SLC8A1: variants seen among roughly 807,000 people sequenced by gnomAD.
SLC8A1 encodes solute carrier family 8 member A1, also known as sodium/calcium exchanger 1.
SLC8A1 carries 18 observed loss-of-function variants against 68.3 expected under a neutral mutation model. The ratio of observed to expected loss-of-function variants is 0.26; its 90% CI spans 0.18 to 0.39. The LOEUF (loss-of-function observed/expected upper bound fraction) is 0.39, where lower values mean the gene tolerates loss of function less well. Among genes scored for constraint, SLC8A1 ranks in the 10% least tolerant of loss-of-function variants. The probability of loss-of-function intolerance (pLI) is 1.00; values close to 1 mark genes in which losing one functional copy is unlikely to be tolerated. For synonymous variants in SLC8A1, 475 were observed against 415.5 expected (o/e 1.14, Z -1.74); for missense variants, 985 against 1,156.7 (o/e 0.85, Z 2.15).
chr2:40,491,256 G>A (rs1472649241), intron 1 of SLC8A1, among the ~76,000 whole-genome samples: 1 of 152,026 alleles, frequency 6.6e-6, no homozygotes, highest in Non-Finnish European at 1.5e-5. Context: ...ATTGTGAATG[G>A]GAGTTCACTC....
intron 2 of SLC8A1, among the ~76,000 whole-genome samples, chr2:40,276,291 T>C (rs569375779): frequency 6.6e-6 from 1 of 152,172 alleles, no homozygotes; most frequent in South Asian, 2.1e-4. Context: ...GGTGACCACA[T>C]GTTCCTTAAC....
chr2:40,148,512 C>T (rs767732944), intron 6 of SLC8A1, among the ~76,000 whole-genome samples: 3 of 152,142 alleles, frequency 2.0e-5, no homozygotes, highest in Admixed American at 6.5e-5. Context: ...ATGATGGCCT[C>T]GGTTTGCACA....
intron 2 of SLC8A1, among the ~76,000 whole-genome samples, chr2:40,216,638 A>G (rs1318145818): frequency 2.0e-5 from 3 of 152,086 alleles, no homozygotes; most frequent in East Asian, 3.9e-4. Context: ...ATGCATTCCT[A>G]TTTCTCCATT....
chr2:40,467,523 T>TACA, intron 1 of SLC8A1, among the ~76,000 whole-genome samples: 2 of 152,170 alleles, frequency 1.3e-5, no homozygotes, highest in African/African-American at 4.8e-5. Flanking sequence ...CAGCTGCTAT[T>TACA]GTTGTCTCCT....
At chr2:40,489,076 C>A (rs1321395662) in intron 1 of SLC8A1, among the ~76,000 whole-genome samples, 1 of 152,118 alleles carries the variant, frequency 6.6e-6, no homozygotes, top group African/African-American at 2.4e-5. Context: ...GCATTAACTA[C>A]TTTACCAACA....
At chr2:40,319,941 T>C (rs1575374613) in intron 2 of SLC8A1, among the ~76,000 whole-genome samples, 1 of 152,262 alleles carries the variant, frequency 6.6e-6, no homozygotes, top group Non-Finnish European at 1.5e-5. Context: ...ATATTGCTGA[T>C]GTGAACAAGT....
chr2:40,430,553 A>G (rs1253981112), intron 1 of SLC8A1, among the ~76,000 whole-genome samples: 5 of 152,170 alleles, frequency 3.3e-5, no homozygotes, highest in African/African-American at 1.2e-4. Context: ...AATTTACTAC[A>G]TGTAGTACCC....
intron 6 of SLC8A1, among the ~76,000 whole-genome samples, chr2:40,158,612 G>A (rs1260465906): frequency 2.6e-5 from 4 of 152,112 alleles, no homozygotes; most frequent in Admixed American, 6.6e-5. Context: ...CACCATGGCC[G>A]CAGGTAATGT....
intron 1 of SLC8A1, among the ~76,000 whole-genome samples, chr2:40,480,783 T>A (rs1468918655): frequency 4.6e-5 from 7 of 152,070 alleles, no homozygotes; most frequent in Non-Finnish European, 1.5e-5. Context: ...ATGAATGAGC[T>A]CACTAATCTG....
intron 2 of SLC8A1, among the ~76,000 whole-genome samples, chr2:40,387,148 C>T (rs1683825041): frequency 6.6e-6 from 1 of 151,454 alleles, no homozygotes; most frequent in South Asian, 2.1e-4. Flanking sequence ...ATTCAACCTC[C>T]ATCTCTGTCT....
At chr2:40,151,501 T>C (rs452025) in intron 6 of SLC8A1, among the ~76,000 whole-genome samples, 6,513 of 151,316 alleles carry the variant, frequency 0.043, 253 homozygotes, top group African/African-American at 0.099. Context: ...GTTGTTGTTG[T>C]TTTTTTTTAT....
exon 2 of SLC8A1, chr2:40,428,575 T>C (rs2149781693): frequency 3.1e-6 from 5 of 1,613,870 alleles, no homozygotes; most frequent in South Asian, 2.2e-5. Flanking sequence ...AACGATAACA[T>C]TTCCTCGAGC....
intron 2 of SLC8A1, among the ~76,000 whole-genome samples, chr2:40,281,539 T>C (rs1284655449): frequency 1.3e-5 from 2 of 152,166 alleles, no homozygotes; most frequent in African/African-American, 4.8e-5. Flanking sequence ...AGTCCCAACT[T>C]GCACTCGTGA....
intron 2 of SLC8A1, among the ~76,000 whole-genome samples, chr2:40,237,496 A>T (rs1424820713): frequency 6.6e-6 from 1 of 151,984 alleles, no homozygotes. Context: ...TATTCTAGTT[A>T]TACATTCTTC....
intron 2 of SLC8A1, among the ~76,000 whole-genome samples, chr2:40,191,957 C>T (rs556309901): frequency 2.0e-5 from 3 of 152,212 alleles, no homozygotes; most frequent in South Asian, 4.2e-4. Flanking sequence ...AGAGGACCTA[C>T]GGGATCTAGA....
intron 2 of SLC8A1, among the ~76,000 whole-genome samples, chr2:40,372,267 G>A (rs1225588584): frequency 1.3e-5 from 2 of 152,072 alleles, no homozygotes; most frequent in Non-Finnish European, 1.5e-5. Flanking sequence ...GAAAAGAAGA[G>A]GGGGAGAAAA....
chr2:40,493,353 G>T (rs1242049250), intron 1 of SLC8A1, among the ~76,000 whole-genome samples: 2 of 131,686 alleles, frequency 1.5e-5, no homozygotes, highest in Non-Finnish European at 3.2e-5. Context: ...TGTGGGGTGG[G>T]GGGGAGGGGG....
exon 2 of SLC8A1, chr2:40,428,781 T>G: frequency 6.2e-7 from 1 of 1,613,862 alleles, no homozygotes; most frequent in Non-Finnish European, 8.5e-7. Flanking sequence ...CTTCAGAAGA[T>G]ACTTTGACAT....
intron 7 of SLC8A1, among the ~76,000 whole-genome samples, chr2:40,121,380 C>T (rs1392853833): frequency 2.0e-5 from 3 of 152,146 alleles, no homozygotes; most frequent in East Asian, 3.8e-4. Context: ...AGCAGCTAAT[C>T]GGAAAGAAGT....
Sources: gnomAD v4.1 joint callset for allele counts (sites outside exome capture counted in the v4.1 genomes callset) on GRCh38, gnomAD v4.1.1 for gene constraint, MANE v1.5 for transcripts, NCBI Gene and HGNC (gene_info 2026-07-23, HGNC 2026-07-21) for gene names.